CELA2A: variants seen among roughly 807,000 people sequenced by gnomAD.
The protein encoded by CELA2A is chymotrypsin like elastase 2A.
In CELA2A, 31 loss-of-function variants were observed where a neutral mutation model predicts 35.3. The observed-to-expected ratio is 0.88, with a 90% CI of 0.66 to 1.19. The LOEUF is 1.19. Among genes scored for constraint, CELA2A ranks in the 50% most tolerant of loss-of-function variants. CELA2A has a pLI of 0.00. For missense variants in CELA2A, 330 were observed against 352.9 expected (o/e 0.94, Z 0.52); for synonymous variants, 150 against 149.8 (o/e 1.00, Z -0.01).
At chr1:15,459,242 G>A (rs551866861) in intron 2 of CELA2A, among the ~76,000 whole-genome samples, 127 of 151,392 alleles carry the variant, frequency 8.4e-4, no homozygotes, top group African/African-American at 2.9e-3. Context: ...GGCTCACAGC[G>A]GCCTCGAACT....
intron 7 of CELA2A, among the ~76,000 whole-genome samples, chr1:15,471,736 GC>G (rs901311308): frequency 1.3e-5 from 2 of 152,068 alleles, no homozygotes; most frequent in East Asian, 1.9e-4. Flanking sequence ...GGGTTCGAAG[GC>G]CCCCTACCCT....
At chr1:15,462,712 C>G in intron 3 of CELA2A, 21 bp from the exon 4 acceptor site, 1 of 1,613,626 alleles carries the variant, frequency 6.2e-7, no homozygotes, top group South Asian at 1.1e-5. Context: ...TGACCCTCTC[C>G]CTGGGCCCCC....
chr1:15,469,101 C>A (rs72865186), intron 7 of CELA2A, among the ~76,000 whole-genome samples: 34,489 of 152,012 alleles, frequency 0.23, 4,357 homozygotes, highest in African/African-American at 0.32. Context: ...TCACTTGAAC[C>A]TGGGAGGTGG....
At position 15,472,065 on chromosome 1, in the gene CELA2A, A is replaced by G. The variant is rs540461408; in HGVS notation, c.*58A>G. On this transcript the variant is annotated 3_prime_UTR_variant, in exon 8 of 8. Transcript: ENST00000359621. Reference sequence around the variant, plus strand: ...GGAAAGGTCACAGAAGGAAAATAATATAATAAAGTGACAACTATGCAAATC... The same window carrying G: ...GGAAAGGTCACAGAAGGAAAATAATGTAATAAAGTGACAACTATGCAAATC... 12 of 1,603,436 alleles carry G rather than the reference A, an allele frequency of 7.5e-6. No individual in the cohort carries two copies. The highest frequency in any genetic ancestry group is 4.5e-5 in the East Asian group (2 of 44,832).
rs1440923742 is a variant in CELA2A, at chr1:15,465,989, T to A, written c.494-10T>A. 3 of 1,614,058 alleles carry A rather than the reference T, an allele frequency of 1.9e-6. No homozygotes were observed. The East Asian group carries it at 6.7e-5, about 36-fold the overall frequency. On this transcript the variant is annotated splice_polypyrimidine_tract_variant and intron_variant, in intron 5 of 7. Transcript: ENST00000359621. The stretch of plus-strand genomic sequence containing the variant: ...TGCATCCCTAATGGCTTCTCTCTGA[T>A]CTCATTCAGCCAACGGGGCTGTTCC...
Position 15,467,435 on chromosome 1 carries a change from A to G in CELA2A, c.689A>G (p.Gln230Arg). The G allele has an allele frequency of 6.2e-7, 1 of 1,614,036 alleles. No homozygotes were observed. The highest frequency in any genetic ancestry group is 8.5e-7 in the Non-Finnish European group (1 of 1,180,028). The change falls in exon 7 of 8, where the codon CAG (glutamine) becomes CGG (arginine). Residue 230 changes from glutamine (Q) to arginine (R), a missense_variant. Coordinates refer to ENST00000359621, the MANE Select transcript of CELA2A (RefSeq NM_033440.3). Reference sequence around the variant, plus strand: ...TGTCAGGCGTCTGACGGCCGGTGGCAGGTGCACGGCATCGTCAGCTTCGGG... The same window carrying G: ...TGTCAGGCGTCTGACGGCCGGTGGCGGGTGCACGGCATCGTCAGCTTCGGG... ...LNCQASDGRW[Q>R]VHGIVSFGSR...
At chr1:15,467,240 T>C (rs376578747) in intron 6 of CELA2A, 146 bp from the exon 7 acceptor site, 1 of 754,718 alleles carries the variant, frequency 1.3e-6, no homozygotes, top group Non-Finnish European at 2.2e-6. Flanking sequence ...GTTGGAATTA[T>C]GGTACCACCT....
chr1:15,468,339 T>C (rs1051244472), intron 7 of CELA2A, among the ~76,000 whole-genome samples: 1 of 152,082 alleles, frequency 6.6e-6, no homozygotes, highest in Non-Finnish European at 1.5e-5. Context: ...TTCCAGGATG[T>C]GGGACTTCCT....
At chr1:15,464,370 G>A (rs1708482550) in intron 5 of CELA2A, among the ~76,000 whole-genome samples, 1 of 152,064 alleles carries the variant, frequency 6.6e-6, no homozygotes. Context: ...CTTTGACATA[G>A]ACTCCAAGGG....
intron 7 of CELA2A, among the ~76,000 whole-genome samples, chr1:15,470,122 G>A (rs1046156383): frequency 7.2e-5 from 11 of 152,162 alleles, no homozygotes; most frequent in African/African-American, 2.2e-4. Flanking sequence ...ACAGATGCCC[G>A]GTAACGGGTT....
chr1:15,467,772 G>T (rs1708541185), intron 7 of CELA2A, among the ~76,000 whole-genome samples: 1 of 152,252 alleles, frequency 6.6e-6, no homozygotes, highest in Non-Finnish European at 1.5e-5. Flanking sequence ...GTCCAAAGAG[G>T]TTGGACACTC....
intron 7 of CELA2A, among the ~76,000 whole-genome samples, chr1:15,468,746 G>A (rs746104202): frequency 2.6e-5 from 4 of 152,136 alleles, no homozygotes; most frequent in Non-Finnish European, 5.9e-5. Context: ...GGAGGCCAAC[G>A]CTGCAGTGAG....
In CELA2A at chr1:15,471,986, G is replaced by T. The variant is rs757606240; in HGVS notation, c.793-4G>T. Reference sequence around the variant, plus strand: ...ACCTGACGATTATCTTGTGTGTCCTGCAGGTGATTGCAAATAACTAACCAA... The same window carrying T: ...ACCTGACGATTATCTTGTGTGTCCTTCAGGTGATTGCAAATAACTAACCAA... On this transcript the variant is annotated splice_region_variant and splice_polypyrimidine_tract_variant and intron_variant, in intron 7 of 7. Transcript: ENST00000359621. 1.2e-6 allele frequency: 2 copies of T among 1,614,136 alleles called. No individual in the cohort carries two copies. The highest frequency in any genetic ancestry group is 1.1e-5 in the South Asian group (1 of 91,088).
intron 5 of CELA2A, 117 bp from the exon 6 acceptor site, chr1:15,465,882 T>G: frequency 8.3e-7 from 1 of 1,211,586 alleles, no homozygotes; most frequent in South Asian, 1.3e-5. Flanking sequence ...CAAACGTGGC[T>G]GTTCGCATGT....
chr1:15,471,610 G>A (rs1708595037), intron 7 of CELA2A, among the ~76,000 whole-genome samples: 1 of 151,878 alleles, frequency 6.6e-6, no homozygotes. Context: ...ACAGCCTCTG[G>A]AAACAGTTAT....
At position 15,462,798 on chromosome 1, in the gene CELA2A, T is replaced by C. The variant is rs1006789466; in HGVS notation, c.293T>C (p.Leu98Pro). ...CTCTACGTTGCGGAGTCCGGCTCGC[T>C]GGCAGTCAGTGTCTCTAAGATTGTG... ...HNLYVAESGS[L>P]AVSVSKIVVH... Residue 98 changes from leucine to proline, a missense_variant, in exon 4 of 8, where the codon CTG (leucine) becomes CCG (proline). Leu to Pro is a moderately conservative substitution (Grantham distance 98). Transcript: ENST00000359621. 3.1e-6 allele frequency: 5 copies of C among 1,614,144 alleles called. No homozygotes were observed. The highest frequency in any genetic ancestry group is 4.2e-6 in the Non-Finnish European group (5 of 1,180,030).
intron 7 of CELA2A, among the ~76,000 whole-genome samples, chr1:15,470,619 C>T (rs1389868117): frequency 6.6e-6 from 1 of 152,134 alleles, no homozygotes. Flanking sequence ...CTCGCTCTGT[C>T]ACCCAGGCTG....
chr1:15,463,812 G>A (rs1242688404), intron 5 of CELA2A, among the ~76,000 whole-genome samples: 1 of 152,030 alleles, frequency 6.6e-6, no homozygotes, highest in Non-Finnish European at 1.5e-5. Flanking sequence ...CACTTTGGGA[G>A]GCCCATCCCG....
At chr1:15,466,270 GAT>G in intron 6 of CELA2A, 126 bp downstream of exon 6, 3 of 1,226,638 alleles carry the variant, frequency 2.4e-6, no homozygotes, top group Non-Finnish European at 3.4e-6. Flanking sequence ...ACATGTTCCA[GAT>G]ATATCTTTGG....
Sources: allele counts gnomAD v4.1 joint callset (sites outside exome capture counted in the v4.1 genomes callset), GRCh38; gene constraint gnomAD v4.1.1; transcripts MANE v1.5; gene names NCBI Gene and HGNC (gene_info 2026-07-23, HGNC 2026-07-21).